ERG: variants seen among roughly 807,000 people sequenced by gnomAD.
ERG encodes ETS transcription factor ERG, also known as transcriptional regulator ERG.
Under a neutral mutation model 55.3 loss-of-function variants are expected in ERG, and 9 were observed. That is an observed-to-expected ratio of 0.16 (90% CI 0.10 to 0.28). The LOEUF (loss-of-function observed/expected upper bound fraction) is 0.28, where lower values mean the gene tolerates loss of function less well. Ranked by LOEUF, ERG falls within the 10% of genes least tolerant of loss-of-function variation. The pLI is 1.00. For synonymous variants in ERG, 223 were observed against 237.3 expected (o/e 0.94, Z 0.55); for missense variants, 434 against 631.6 (o/e 0.69, Z 3.35).
chr21:38,645,701 T>C (rs892861036), intron 1 of ERG, among the ~76,000 whole-genome samples: 8 of 152,170 alleles, frequency 5.3e-5, no homozygotes, highest in Non-Finnish European at 1.0e-4. Flanking sequence ...CTAAACAGTA[T>C]TTGCTTGAAT....
chr21:38,641,852 G>C (rs975528542), intron 1 of ERG, among the ~76,000 whole-genome samples: 2 of 152,156 alleles, frequency 1.3e-5, no homozygotes, highest in African/African-American at 4.8e-5. Flanking sequence ...ACTACAGCAT[G>C]GTTTGAAACA....
chr21:38,416,977 C>T (rs1989308454), intron 3 of ERG, among the ~76,000 whole-genome samples: 1 of 152,216 alleles, frequency 6.6e-6, no homozygotes, highest in South Asian at 2.1e-4. Context: ...GTTCTTGATT[C>T]GTCCTGTCAT....
chr21:38,561,279 T>C (rs2059891209), intron 2 of ERG, among the ~76,000 whole-genome samples: 1 of 152,198 alleles, frequency 6.6e-6, no homozygotes, highest in South Asian at 2.1e-4. Context: ...CTGTTTTCTT[T>C]CCTGATGTCT....
chr21:38,657,435 G>T (rs2060526064), intron 1 of ERG, among the ~76,000 whole-genome samples: 1 of 152,042 alleles, frequency 6.6e-6, no homozygotes, highest in Non-Finnish European at 1.5e-5. Flanking sequence ...TAATTTCTTG[G>T]TTTTGTCTAC....
chr21:38,450,351 C>T (rs1320911947), intron 1 of ERG, among the ~76,000 whole-genome samples: 1 of 151,502 alleles, frequency 6.6e-6, no homozygotes, highest in African/African-American at 2.4e-5. Flanking sequence ...GCACTCCAGC[C>T]GAGGTGACAG....
At chr21:38,569,782 C>A (rs184413181) in intron 2 of ERG, among the ~76,000 whole-genome samples, 1 of 151,972 alleles carries the variant, frequency 6.6e-6, no homozygotes, top group Non-Finnish European at 1.5e-5. Flanking sequence ...ACACATATTA[C>A]GTTTCTCTGA....
At chr21:38,401,237 G>C (rs1194335587) in intron 5 of ERG, among the ~76,000 whole-genome samples, 3 of 152,098 alleles carry the variant, frequency 2.0e-5, no homozygotes, top group African/African-American at 7.2e-5. Flanking sequence ...TTTAACAATA[G>C]CAAAATTTAA....
chr21:38,559,702 A>G (rs1223423320), intron 2 of ERG, among the ~76,000 whole-genome samples: 1 of 152,088 alleles, frequency 6.6e-6, no homozygotes, highest in African/African-American at 2.4e-5. Context: ...TTTTCTTGAG[A>G]CAGAGTTTCG....
chr21:38,573,078 G>A (rs143269616), intron 2 of ERG, among the ~76,000 whole-genome samples: 7 of 152,350 alleles, frequency 4.6e-5, no homozygotes, highest in African/African-American at 1.7e-4. Flanking sequence ...GGGATCTAGG[G>A]CTGTGCAGGA....
At position 38,420,780 on chromosome 21, in the gene ERG, T is replaced by C. The variant is rs77296375; in HGVS notation, c.388+2630A>G. Among the ~76,000 whole-genome samples the C allele has an allele frequency of 5.9e-5, 9 of 152,212 alleles. No homozygotes were observed. In the East Asian group the frequency reaches 1.7e-3, roughly 29 times the overall value. On this transcript the variant is annotated intron_variant, in intron 3 of 9. Coordinates refer to ENST00000288319, the MANE Select transcript of ERG (RefSeq NM_182918.4). ...CTCATGGAAATACAGCCTCACCAGTTAGAAGATGGTACCAGGCATTACCTC... is the reference window on the plus strand; with the variant it reads ...CTCATGGAAATACAGCCTCACCAGTCAGAAGATGGTACCAGGCATTACCTC...
intron 1 of ERG, among the ~76,000 whole-genome samples, chr21:38,598,634 C>G (rs1252001122): frequency 6.6e-6 from 1 of 152,194 alleles, no homozygotes; most frequent in Non-Finnish European, 1.5e-5. Context: ...ATGCACAACT[C>G]TCTAAGGAGT....
intron 1 of ERG, among the ~76,000 whole-genome samples, chr21:38,465,759 ATTTATAAG>A (rs2059083106): frequency 6.6e-6 from 1 of 152,206 alleles, no homozygotes; most frequent in Non-Finnish European, 1.5e-5. Flanking sequence ...ATTCCAATTA[ATTTATAAG>A]TTTTGCCACA....
chr21:38,530,653 G>A (rs1000165720), intron 2 of ERG, among the ~76,000 whole-genome samples: 12 of 152,136 alleles, frequency 7.9e-5, no homozygotes, highest in South Asian at 2.1e-4. Context: ...ATCATTAGGC[G>A]ACATCTTCAT....
At chr21:38,500,156 C>G (rs957504747), upstream of ERG, among the ~76,000 whole-genome samples, 6 of 152,192 alleles carry the variant, frequency 3.9e-5, no homozygotes, top group African/African-American at 1.4e-4. Flanking sequence ...TTTTTGTTCT[C>G]TCCTAAGAAG....
intron 3 of ERG, among the ~76,000 whole-genome samples, chr21:38,416,031 C>A (rs1601362041): frequency 6.6e-6 from 1 of 152,180 alleles, no homozygotes; most frequent in East Asian, 1.9e-4. Flanking sequence ...AGGGTATGTT[C>A]TATTACTTGT....
rs867899463 is a variant in ERG, at chr21:38,539,878, C to A, written c.-41+35784G>T. Among the ~76,000 whole-genome samples the A allele has an allele frequency of 2.7e-5, 4 of 149,962 alleles. No homozygotes were observed. The South Asian group carries it at 8.4e-4, about 32-fold the overall frequency. On this transcript the variant is annotated intron_variant, in intron 2 of 8. Coordinates refer to the ERG transcript ENST00000398897. ...GACTCATCACAGAGGTATAAAACAGCGTCTCCAACACGTGATTTTTTTTTT... is the reference window on the plus strand; with the variant it reads ...GACTCATCACAGAGGTATAAAACAGAGTCTCCAACACGTGATTTTTTTTTT...
At position 38,542,539 on chromosome 21, in the gene ERG, T is replaced by TA. The variant is rs1376948901; in HGVS notation, c.-41+33122dup. ...TTAGAGGGTCTTCAAAACATGGCTT[T>TA]AAAATCTCAGTTATTATGGAGCTTA... On this transcript the variant is annotated intron_variant, in intron 2 of 8. Coordinates refer to the ERG transcript ENST00000398897. Among the ~76,000 whole-genome samples the TA allele has an allele frequency of 3.3e-5, 5 of 152,244 alleles. No individual in the cohort carries two copies. In the East Asian group the frequency reaches 9.6e-4, roughly 29 times the overall value.
At chr21:38,471,916 C>T (rs542995976) in intron 1 of ERG, 1 of 152,318 alleles carries the variant, frequency 6.6e-6, no homozygotes, top group South Asian at 2.1e-4. Context: ...GTCCAAAACA[C>T]ACCTCAGAAC....
intron 2 of ERG, among the ~76,000 whole-genome samples, chr21:38,520,945 T>C (rs912858642): frequency 2.0e-5 from 3 of 152,162 alleles, no homozygotes; most frequent in African/African-American, 7.2e-5. Flanking sequence ...GCTGGATATA[T>C]CAGGATTCGA....
Sources: gnomAD v4.1 joint callset for allele counts (sites outside exome capture counted in the v4.1 genomes callset) on GRCh38, gnomAD v4.1.1 for gene constraint, MANE v1.5 for transcripts, NCBI Gene and HGNC (gene_info 2026-07-23, HGNC 2026-07-21) for gene names.